The following FBXO16 variants were observed in gnomAD, a reference collection of about 807,000 sequenced individuals.
FBXO16 encodes F-box protein 16.
In FBXO16, 31 loss-of-function variants were observed where a neutral mutation model predicts 41.0. The observed-to-expected ratio is 0.76, with a 90% CI of 0.57 to 1.02. FBXO16 has a LOEUF of 1.02. Ranked by LOEUF, FBXO16 falls within the 50% of genes least tolerant of loss-of-function variation. FBXO16 has a pLI of 0.00. For synonymous variants in FBXO16, 133 were observed against 117.8 expected, an observed-to-expected ratio of 1.13 and a Z score of -0.84; for missense variants, 361 against 346.2, an observed-to-expected ratio of 1.04 and a Z score of -0.34.
At chr8:28,459,623 A>T (rs1422532084) in intron 4 of FBXO16, among the ~76,000 whole-genome samples, 3 of 137,884 alleles carry the variant, frequency 2.2e-5, no homozygotes, top group Non-Finnish European at 4.6e-5. Flanking sequence ...CCTGTCTCAA[A>T]AATAATAATA....
At chr8:28,459,584 C>A (rs888166611) in intron 4 of FBXO16, among the ~76,000 whole-genome samples, 1 of 150,180 alleles carries the variant, frequency 6.7e-6, no homozygotes, top group Non-Finnish European at 1.5e-5. Context: ...CGAGCCATTG[C>A]ACTCCAGCCT....
Position 28,454,250 on chromosome 8 carries a change from A to G in FBXO16, c.508-1774T>C, listed in dbSNP as rs570335085. Among the ~76,000 whole-genome samples, 160 of 152,070 alleles carry G rather than the reference A, an allele frequency of 1.1e-3. 5 individuals are homozygous for G. Among genetic ancestry groups the G allele is most frequent in the African/African-American group, 3.7e-3 (154 of 41,330 alleles). ...ATAGCTCATTATTGGTTTAGTATTC[A>G]GTATTTTGTGCAAGTCTCATTTAGA... is the stretch of plus-strand genomic sequence containing the variant. On this transcript the variant is annotated intron_variant, in intron 5 of 8. Transcript: ENST00000380254.
chr8:28,446,049 C>T (rs1283643709), intron 7 of FBXO16, among the ~76,000 whole-genome samples: 1 of 152,050 alleles, frequency 6.6e-6, no homozygotes, highest in East Asian at 1.9e-4. Flanking sequence ...GGAAACTCTG[C>T]TAGGCAATGA....
chr8:28,445,758 C>CT (rs999208169), intron 7 of FBXO16, among the ~76,000 whole-genome samples: 28 of 151,894 alleles, frequency 1.8e-4, no homozygotes, highest in South Asian at 8.3e-4. Context: ...TTTCTTTTTT[C>CT]TTTTTTTTGC....
intron 1 of FBXO16, among the ~76,000 whole-genome samples, chr8:28,489,630 T>A (rs150736913): frequency 0.015 from 2,280 of 149,138 alleles, 61 homozygotes; most frequent in African/African-American, 0.054. Flanking sequence ...AGCCCAGGAG[T>A]TCAAGGCTGC....
Position 28,452,465 on chromosome 8 carries a change from C to T in FBXO16, c.519G>A (p.Lys173=). ...LHITKPKTPP[K]DGFVIADVQL... ...GAACGTCAGCGATTACAAATCCATC[C>T]TTTGGGGGTGTCTAGAAGAAGAAAG... The change falls in exon 6 of 9, where the codon AAG becomes AAA. Residue 173 remains lysine, a synonymous_variant. Coordinates refer to ENST00000380254, the MANE Select transcript of FBXO16 (RefSeq NM_172366.4). The T allele has an allele frequency of 1.2e-6, 2 of 1,613,802 alleles. No individual in the cohort carries two copies. Among genetic ancestry groups the T allele is most frequent in the Non-Finnish European group, 1.7e-6 (2 of 1,179,990 alleles).
At chr8:28,449,887 G>C (rs1351677526) in intron 6 of FBXO16, among the ~76,000 whole-genome samples, 3 of 150,562 alleles carry the variant, frequency 2.0e-5, no homozygotes, top group Non-Finnish European at 4.4e-5. Flanking sequence ...CAGGAGAATG[G>C]CTTGAATCCA....
chr8:28,444,929 C>A (rs893117983), intron 7 of FBXO16, among the ~76,000 whole-genome samples: 2 of 151,658 alleles, frequency 1.3e-5, no homozygotes, highest in Non-Finnish European at 2.9e-5. Context: ...CCGTGCCCGG[C>A]CTATTTCTTC....
rs1802726182 is a variant in FBXO16, at chr8:28,439,101, A to G, written c.843+8070T>C. On this transcript the variant is annotated intron_variant, in intron 7 of 8. Transcript: ENST00000380254. Reference sequence around the variant, plus strand: ...TAGAGTGAGAACCTGTCTCAAAAAAAAAAAAAAAGAAAAGAAAAGAAAAGA... The same window carrying G: ...TAGAGTGAGAACCTGTCTCAAAAAAGAAAAAAAAGAAAAGAAAAGAAAAGA... Among the ~76,000 whole-genome samples, 3 of 151,292 alleles carry G rather than the reference A, an allele frequency of 2.0e-5. No individual in the cohort carries two copies. In the South Asian group the frequency reaches 6.2e-4, roughly 31 times the overall value.
At chr8:28,476,107 A>G (rs1803419512) in intron 2 of FBXO16, among the ~76,000 whole-genome samples, 2 of 152,200 alleles carry the variant, frequency 1.3e-5, no homozygotes, top group Admixed American at 6.5e-5. Flanking sequence ...GAGCTTCAAG[A>G]GGAAGTTGAA....
intron 6 of FBXO16, among the ~76,000 whole-genome samples, chr8:28,449,993 AAAG>A (rs1802927392): frequency 6.6e-6 from 1 of 151,782 alleles, no homozygotes; most frequent in South Asian, 2.1e-4. Flanking sequence ...AAAAAAAAAA[AAAG>A]AAGGGCGATT....
At chr8:28,466,453 C>T (rs1250787449) in intron 3 of FBXO16, among the ~76,000 whole-genome samples, 1 of 151,964 alleles carries the variant, frequency 6.6e-6, no homozygotes, top group African/African-American at 2.4e-5. Flanking sequence ...TCCCTGACAT[C>T]TCCTAGCCCC....
rs1279776225 is a variant in FBXO16, at chr8:28,436,384, G to A, written c.844-6981C>T. Among the ~76,000 whole-genome samples the A allele has an allele frequency of 3.9e-5, 6 of 152,318 alleles. 1 individual carries two copies. Among genetic ancestry groups the A allele is most frequent in the East Asian group, 3.9e-4 (2 of 5,186 alleles). On this transcript the variant is annotated intron_variant, in intron 7 of 8. Transcript: ENST00000380254. ...TTTACTCCCCGCTTATGCTTCTGGCGGAAACAGAGGCAAGGTGTTAGAAAG... is the reference window on the plus strand; with the variant it reads ...TTTACTCCCCGCTTATGCTTCTGGCAGAAACAGAGGCAAGGTGTTAGAAAG...
chr8:28,467,565 T>C (rs1803265220), intron 3 of FBXO16, among the ~76,000 whole-genome samples: 1 of 152,174 alleles, frequency 6.6e-6, no homozygotes. Context: ...AAAAATAATA[T>C]GTATGTGGGT....
chr8:28,486,172 G>A (rs1803598598), intron 1 of FBXO16, among the ~76,000 whole-genome samples: 1 of 150,720 alleles, frequency 6.6e-6, no homozygotes, highest in Non-Finnish European at 1.5e-5. Context: ...CAGCTAAAAA[G>A]TGATATATCT....
At chr8:28,441,596 C>A (rs142854081) in intron 7 of FBXO16, among the ~76,000 whole-genome samples, 5,273 of 151,712 alleles carry the variant, frequency 0.035, 237 homozygotes, top group African/African-American at 0.11. Flanking sequence ...ATTAGCCAAG[C>A]GTGGTGGCAG....
chr8:28,452,705 GCAGGAGAATCACT>G (rs1249643732), intron 5 of FBXO16, among the ~76,000 whole-genome samples: 2 of 152,068 alleles, frequency 1.3e-5, no homozygotes, highest in African/African-American at 4.8e-5. Context: ...TGAGGCTGAG[GCAGGAGAATCACT>G]TAAACCTGGA....
chr8:28,442,883 G>A (rs533061270), intron 7 of FBXO16, among the ~76,000 whole-genome samples: 2 of 152,248 alleles, frequency 1.3e-5, no homozygotes, highest in South Asian at 2.1e-4. Flanking sequence ...ATGTGAAACC[G>A]TTTCCCCAAG....
rs369463318 is a variant in FBXO16 at position 28,429,404 on chromosome 8, C to G, written c.844-1G>C. The G allele has an allele frequency of 6.2e-7, 1 of 1,613,960 alleles. No homozygotes were observed. Among genetic ancestry groups the G allele is most frequent in the East Asian group, 2.2e-5 (1 of 44,864 alleles). Reference sequence around the variant, plus strand: ...GTGGGAAGGGATTTCTCCTCGACATCTGGCCGCGAGCAGGAAAGGGAAGAG... The same window carrying G: ...GTGGGAAGGGATTTCTCCTCGACATGTGGCCGCGAGCAGGAAAGGGAAGAG... On this transcript the variant is annotated splice_acceptor_variant, in intron 7 of 8. Transcript: ENST00000380254. LOFTEE classifies it high-confidence loss of function.
Sources: gnomAD v4.1 joint callset for allele counts (sites outside exome capture counted in the v4.1 genomes callset) on GRCh38, gnomAD v4.1.1 for gene constraint, MANE v1.5 for transcripts, NCBI Gene and HGNC (gene_info 2026-07-23, HGNC 2026-07-21) for gene names.